The following CCDC150 variants were observed in gnomAD, a reference collection of about 807,000 sequenced individuals.
CCDC150 encodes coiled-coil domain-containing protein 150.
In CCDC150, 151 loss-of-function variants were observed where a neutral mutation model predicts 156.5. That is an observed-to-expected ratio of 0.97 (90% CI 0.85 to 1.10). The LOEUF (loss-of-function observed/expected upper bound fraction) is 1.10. Ranked by LOEUF, CCDC150 falls within the 50% of genes least tolerant of loss-of-function variation. CCDC150 has a pLI of 0.00. For missense variants in CCDC150, 1,312 were observed against 1,268.1 expected, an observed-to-expected ratio of 1.03 and a Z score of -0.53; for synonymous variants, 452 against 429.4, an observed-to-expected ratio of 1.05 and a Z score of -0.65.
At chr2:196,644,554 G>T (rs539398310) in intron 1 of CCDC150, among the ~76,000 whole-genome samples, 91 of 149,766 alleles carry the variant, frequency 6.1e-4, no homozygotes, top group Middle Eastern at 6.9e-3. Flanking sequence ...CTCCACATCA[G>T]TTTTTTTTTT....
intron 4 of CCDC150, among the ~76,000 whole-genome samples, chr2:196,657,604 A>G (rs1304835137): frequency 1.3e-5 from 2 of 152,184 alleles, no homozygotes; most frequent in African/African-American, 4.8e-5. Context: ...GGCTTCAGGG[A>G]AGGGATAGGA....
chr2:196,703,553 C>T (rs1235330105), intron 15 of CCDC150, among the ~76,000 whole-genome samples: 1 of 152,140 alleles, frequency 6.6e-6, no homozygotes, highest in Non-Finnish European at 1.5e-5. Context: ...ACATTACAGG[C>T]TGGGTATATA....
chr2:196,729,747 T>C, intron 23 of CCDC150, 46 bp from the exon 24 acceptor site: 1 of 1,333,518 alleles, frequency 7.5e-7, no homozygotes, highest in East Asian at 2.4e-5. Context: ...AGCAAGCCAG[T>C]TTTTCCACTG....
Position 196,730,935 on chromosome 2 carries a change from A to G in CCDC150, c.3059A>G (p.Glu1020Gly), listed in dbSNP as rs1039682267. The G allele has an allele frequency of 1.1e-5, 18 of 1,595,872 alleles. No homozygotes were observed. The highest frequency in any genetic ancestry group is 7.0e-5 in the Admixed American group (4 of 57,340). ...TENTLKEASV[E>G]SEQITANLEE... The stretch of plus-strand genomic sequence containing the variant: ...AATACGCTGAAAGAAGCCAGTGTGG[A>G]ATCAGAACAGGTGAGCCAGACCCAC... Residue 1020 changes from glutamate (E) to glycine (G), a missense_variant, in exon 26 of 28, where the codon GAA becomes GGA. By Grantham distance (98) the Glu-to-Gly change is moderately conservative. Coordinates refer to ENST00000389175, the MANE Select transcript of CCDC150 (RefSeq NM_001080539.2).
rs747685162 is a variant in CCDC150 at position 196,674,286 on chromosome 2, A to G, written c.1075A>G (p.Met359Val). 1.6e-5 allele frequency: 26 copies of G among 1,604,390 alleles called. No individual in the cohort carries two copies. Among genetic ancestry groups the G allele is most frequent in the Non-Finnish European group, 2.2e-5 (26 of 1,175,176 alleles). ...LTKKCSELSC[M>V]LQTVTMEKAR... ...TAAAAAGTGTTCAGAGTTGAGCTGC[A>G]TGCTTCAGACTGTTACTATGGAAAA... Residue 359 changes from methionine to valine, a missense_variant, in exon 10 of 28, where the codon ATG becomes GTG. Transcript: ENST00000389175.
At chr2:196,664,930 G>C (rs531940760) in intron 5 of CCDC150, among the ~76,000 whole-genome samples, 1 of 152,164 alleles carries the variant, frequency 6.6e-6, no homozygotes, top group Non-Finnish European at 1.5e-5. Context: ...TTGAGTGTCG[G>C]TTTGGTCTGC....
chr2:196,730,844 G>T lies in CCDC150; in HGVS notation c.2983-15G>T, dbSNP rs1441643719. 1.9e-6 allele frequency: 3 copies of T among 1,566,368 alleles called. No individual in the cohort carries two copies. The Admixed American group carries it at 5.6e-5, about 29-fold the overall frequency. The stretch of plus-strand genomic sequence containing the variant: ...ATGTTGGAAGTTTATAAAAATCTTT[G>T]TATCACATTTTCAGGAATTGGAAGA... On this transcript the variant is annotated splice_polypyrimidine_tract_variant and intron_variant, in intron 25 of 27. Transcript: ENST00000389175.
intron 2 of CCDC150, among the ~76,000 whole-genome samples, chr2:196,650,244 A>G (rs1366867715): frequency 6.6e-6 from 1 of 152,210 alleles, no homozygotes; most frequent in Admixed American, 6.5e-5. Flanking sequence ...ATCTATTGAG[A>G]TGATTATATA....
At chr2:196,706,304 T>C (rs1168845944) in intron 15 of CCDC150, among the ~76,000 whole-genome samples, 1 of 152,212 alleles carries the variant, frequency 6.6e-6, no homozygotes, top group African/African-American at 2.4e-5. Context: ...AGTTCACTCA[T>C]GATTTGGCTG....
At chr2:196,717,196 A>G (rs1424289093) in intron 17 of CCDC150, among the ~76,000 whole-genome samples, 1 of 152,036 alleles carries the variant, frequency 6.6e-6, no homozygotes, top group African/African-American at 2.4e-5. Flanking sequence ...GCCTAAAGTA[A>G]CATTCTTGAC....
At chr2:196,718,789 A>T (rs574879869) in intron 18 of CCDC150, among the ~76,000 whole-genome samples, 158 bp downstream of exon 18, 1 of 152,270 alleles carries the variant, frequency 6.6e-6, no homozygotes, top group South Asian at 2.1e-4. Flanking sequence ...GAATAGTTTA[A>T]AATTTTTCCC....
At position 196,644,156 on chromosome 2, in the gene CCDC150, C is replaced by T. The variant is rs140444416; in HGVS notation, c.13-2185C>T. Among the ~76,000 whole-genome samples, 491 of 152,166 alleles carry T rather than the reference C, an allele frequency of 3.2e-3. 2 individuals are homozygous for T. Among genetic ancestry groups the T allele is most frequent in the East Asian group, 0.019 (99 of 5,176 alleles). On this transcript the variant is annotated intron_variant, in intron 1 of 27. Coordinates refer to ENST00000389175, the MANE Select transcript of CCDC150 (RefSeq NM_001080539.2). Reference sequence around the variant, plus strand: ...TAGGAGCCCTTTTGCAAACTTCTGCCCAAAGTCTCTTTGGCCAGAATATAT... The same window carrying T: ...TAGGAGCCCTTTTGCAAACTTCTGCTCAAAGTCTCTTTGGCCAGAATATAT...
At chr2:196,647,164 C>G (rs185714116) in intron 2 of CCDC150, among the ~76,000 whole-genome samples, 59 of 151,886 alleles carry the variant, frequency 3.9e-4, no homozygotes, top group Non-Finnish European at 6.6e-4. Flanking sequence ...AATAAATAAC[C>G]CTTTAGCAGT....
In CCDC150 at chr2:196,725,626, A is replaced by T. The variant is rs116804527; in HGVS notation, c.2430-347A>T. 7.2e-3 allele frequency among the ~76,000 whole-genome samples: 1,098 copies of T among 152,368 alleles called. 13 individuals are homozygous for T. Among genetic ancestry groups the T allele is most frequent in the African/African-American group, 0.025 (1,040 of 41,588 alleles). ...GACTCCAAAACCCATAGTCTTAATC[A>T]CTTTGCTATAATGTTTTGTTTGAAA... On this transcript the variant is annotated intron_variant, in intron 21 of 27. Coordinates refer to ENST00000389175, the MANE Select transcript of CCDC150 (RefSeq NM_001080539.2).
Position 196,718,542 on chromosome 2 carries a change from C to T in CCDC150, c.1906C>T (p.Arg636Ter), listed in dbSNP as rs1205100593. 7 of 1,613,194 alleles carry T rather than the reference C, an allele frequency of 4.3e-6. No homozygotes were observed. Among genetic ancestry groups the T allele is most frequent in the East Asian group, 2.2e-5 (1 of 44,860 alleles). ...ILERSKEELS[R>*]TVKCRNAALK... ...TGAAAGAAGTAAAGAGGAGCTGTCC[C>T]GAACAGTGAAGTGTCGTAATGCGGC... is the stretch of plus-strand genomic sequence containing the variant. Residue 636 changes from arginine (R) to a stop codon, truncating the protein, a stop_gained, in exon 18 of 28, where the codon CGA becomes TGA. Transcript: ENST00000389175. LOFTEE classifies it high-confidence loss of function.
rs192386368 is a variant in CCDC150, at chr2:196,656,948, G to A, written c.398-10G>A. The A allele has an allele frequency of 4.8e-5, 78 of 1,612,822 alleles. No individual in the cohort carries two copies. In the East Asian group the frequency reaches 1.6e-3, roughly 33 times the overall value. On this transcript the variant is annotated splice_polypyrimidine_tract_variant and intron_variant, in intron 3 of 27. Transcript: ENST00000389175. ...CTGCTGCTTGATGCCCCTCCTGTGC[G>A]GTCTGGTAGCTTTTCTGAAAGATCG...
chr2:196,721,127 G>A (rs924420871), intron 20 of CCDC150, among the ~76,000 whole-genome samples: 1 of 151,066 alleles, frequency 6.6e-6, no homozygotes, highest in Non-Finnish European at 1.5e-5. Context: ...TTTTCTGTAA[G>A]AATCTATAAG....
At chr2:196,721,785 A>C in intron 21 of CCDC150, 94 bp downstream of exon 21, 1 of 1,036,604 alleles carries the variant, frequency 9.6e-7, no homozygotes, top group East Asian at 2.8e-5. Flanking sequence ...AATCAGTTAA[A>C]CTCTTTTCTC....
At chr2:196,697,688 A>C (rs1575869456) in intron 14 of CCDC150, among the ~76,000 whole-genome samples, 1 of 152,222 alleles carries the variant, frequency 6.6e-6, no homozygotes, top group Non-Finnish European at 1.5e-5. Context: ...TAAAAAATTC[A>C]AAATAATAAA....
Sources: allele counts gnomAD v4.1 joint callset (sites outside exome capture counted in the v4.1 genomes callset), GRCh38; gene constraint gnomAD v4.1.1; transcripts MANE v1.5; gene names NCBI Gene and HGNC (gene_info 2026-07-23, HGNC 2026-07-21).